The following GRID2 variants were observed in gnomAD, a reference collection of about 807,000 sequenced individuals.
GRID2 encodes glutamate receptor ionotropic, delta-2.
GRID2 carries 33 observed loss-of-function variants against 114.8 expected under a neutral mutation model. The observed-to-expected ratio is 0.29, with a 90% CI of 0.22 to 0.38. The LOEUF (loss-of-function observed/expected upper bound fraction) is 0.38. Ranked by LOEUF, GRID2 falls within the 10% of genes least tolerant of loss-of-function variation. GRID2 has a pLI of 1.00. For missense variants in GRID2, 1,184 were observed against 1,257.7 expected (o/e 0.94, Z 0.89); for synonymous variants, 505 against 449.9 (o/e 1.12, Z -1.55).
chr4:93,737,504 C>T (rs762478689), intron 14 of GRID2, among the ~76,000 whole-genome samples: 4 of 152,036 alleles, frequency 2.6e-5, no homozygotes, highest in Non-Finnish European at 5.9e-5. Context: ...ACAGGAGGGT[C>T]ACTTGAGGCA....
chr4:93,021,837 AT>A (rs1723388274), intron 2 of GRID2, among the ~76,000 whole-genome samples: 1 of 146,956 alleles, frequency 6.8e-6, no homozygotes, highest in Non-Finnish European at 1.5e-5. Context: ...AATAAATATT[AT>A]TTTTAAATAA....
intron 13 of GRID2, among the ~76,000 whole-genome samples, chr4:93,539,544 T>C (rs1732444784): frequency 6.6e-6 from 1 of 152,034 alleles, no homozygotes; most frequent in African/African-American, 2.4e-5. Flanking sequence ...ATGTGTTAGG[T>C]CTCTTGTTTC....
At chr4:92,684,268 C>T (rs1733792624) in intron 2 of GRID2, among the ~76,000 whole-genome samples, 1 of 151,822 alleles carries the variant, frequency 6.6e-6, no homozygotes, top group South Asian at 2.1e-4. Flanking sequence ...AGTGATTATC[C>T]TTGGTTACAC....
intron 13 of GRID2, among the ~76,000 whole-genome samples, chr4:93,616,386 A>G (rs919744729): frequency 2.0e-5 from 3 of 151,568 alleles, no homozygotes; most frequent in Admixed American, 6.6e-5. Context: ...TCTACCAAAA[A>G]TAATACAAAA....
At chr4:93,724,529 TTACCAAA>T (rs2110203128) in intron 14 of GRID2, among the ~76,000 whole-genome samples, 1 of 152,288 alleles carries the variant, frequency 6.6e-6, no homozygotes, top group South Asian at 2.1e-4. Context: ...CATAAAAACA[TTACCAAA>T]TTACATGTAA....
chr4:92,782,578 T>A (rs932280243), intron 2 of GRID2, among the ~76,000 whole-genome samples: 6 of 152,166 alleles, frequency 3.9e-5, no homozygotes, highest in Non-Finnish European at 8.8e-5. Context: ...ACTCAAAGAC[T>A]ATACTGTTCA....
At chr4:93,007,989 C>T (rs998672117) in intron 2 of GRID2, among the ~76,000 whole-genome samples, 2 of 144,738 alleles carry the variant, frequency 1.4e-5, no homozygotes, top group Non-Finnish European at 3.0e-5. Flanking sequence ...GAGCCAAGAT[C>T]GTGCCATTAC....
intron 13 of GRID2, among the ~76,000 whole-genome samples, chr4:93,624,957 T>C (rs1742562854): frequency 6.6e-6 from 1 of 152,152 alleles, no homozygotes; most frequent in Non-Finnish European, 1.5e-5. Flanking sequence ...TGGAATCGTT[T>C]TATTTTCCTC....
intron 2 of GRID2, among the ~76,000 whole-genome samples, chr4:92,916,990 G>T (rs965952511): frequency 6.6e-6 from 1 of 152,110 alleles, no homozygotes; most frequent in Admixed American, 6.6e-5. Context: ...CAGTGTAAAA[G>T]TGTTCCTATT....
At chr4:93,567,559 A>G (rs1735546417) in intron 13 of GRID2, among the ~76,000 whole-genome samples, 1 of 152,230 alleles carries the variant, frequency 6.6e-6, no homozygotes, top group Non-Finnish European at 1.5e-5. Context: ...TTAAGATGAA[A>G]TAATTACCAA....
At chr4:93,383,931 CAAG>C (rs1159704991) in intron 8 of GRID2, among the ~76,000 whole-genome samples, 2 of 152,138 alleles carry the variant, frequency 1.3e-5, no homozygotes, top group African/African-American at 4.8e-5. Flanking sequence ...AACTCAGATT[CAAG>C]AAAAGGGGCT....
chr4:93,395,684 G>A lies in GRID2; in HGVS notation c.1323G>A (p.Val441=). The change falls in exon 9 of 16, where the codon GTG becomes GTA. Residue 441 remains valine (V), a synonymous_variant. Transcript: ENST00000282020. ...AATTGGAGAATAACATGCGTGGAGT[G>A]GTTCTACGTGTAGTAACTGTTCTGG... ...DKKLENNMRG[V]VLRVVTVLEE... 4 of 1,544,052 alleles carry A rather than the reference G, an allele frequency of 2.6e-6. No individual in the cohort carries two copies. The highest frequency in any genetic ancestry group is 3.6e-6 in the Non-Finnish European group (4 of 1,116,914).
intron 10 of GRID2, among the ~76,000 whole-genome samples, chr4:93,447,649 G>A (rs1176873543): frequency 6.6e-6 from 1 of 151,772 alleles, no homozygotes; most frequent in Non-Finnish European, 1.5e-5. Context: ...TGTCCAATAT[G>A]ACAAAAAATG....
chr4:92,847,417 T>C (rs1469790911), intron 2 of GRID2, among the ~76,000 whole-genome samples: 1 of 152,058 alleles, frequency 6.6e-6, no homozygotes, highest in Non-Finnish European at 1.5e-5. Flanking sequence ...AGCTGCTACA[T>C]GATTTAAGTT....
At chr4:92,400,716 T>C (rs1464277292) in intron 1 of GRID2, among the ~76,000 whole-genome samples, 1 of 152,114 alleles carries the variant, frequency 6.6e-6, no homozygotes, top group Non-Finnish European at 1.5e-5. Context: ...CATTTTACAT[T>C]ACCACCATTA....
rs557613529 is a variant in GRID2 at position 93,004,715 on chromosome 4, C to A, written c.245-80280C>A. Among the ~76,000 whole-genome samples the A allele has an allele frequency of 1.4e-3, 209 of 152,058 alleles. 1 individual carries two copies. Among genetic ancestry groups the A allele is most frequent in the African/African-American group, 4.8e-3 (201 of 41,524 alleles). On this transcript the variant is annotated intron_variant, in intron 2 of 15. Transcript: ENST00000282020. Reference sequence around the variant, plus strand: ...TAAATGAGCTGTCCTGACTCATATTCTCTACTCCTTCACTTGTGTTTCTCT... The same window carrying A: ...TAAATGAGCTGTCCTGACTCATATTATCTACTCCTTCACTTGTGTTTCTCT...
chr4:93,230,208 C>T (rs1353382868), intron 7 of GRID2, among the ~76,000 whole-genome samples: 2 of 151,620 alleles, frequency 1.3e-5, no homozygotes, highest in Non-Finnish European at 2.9e-5. Flanking sequence ...ATTAGATTTT[C>T]AAACTGGTTA....
At chr4:93,342,836 T>A (rs1348546782) in intron 8 of GRID2, among the ~76,000 whole-genome samples, 1 of 152,162 alleles carries the variant, frequency 6.6e-6, no homozygotes, top group East Asian at 1.9e-4. Context: ...TATTTTCAGA[T>A]TTTTTCAGGC....
Position 92,483,428 on chromosome 4 carries a change from G to A in GRID2, c.89-106703G>A, listed in dbSNP as rs77523731. Among the ~76,000 whole-genome samples, 378 of 152,248 alleles carry A rather than the reference G, an allele frequency of 2.5e-3. 1 individual carries two copies. Among genetic ancestry groups the A allele is most frequent in the African/African-American group, 8.6e-3 (357 of 41,550 alleles). Reference sequence around the variant, plus strand: ...TTTTGATTTATACAGGATGCCAGTTGAATGTTGAGTTAGTTTTCCCCTTTT... The same window carrying A: ...TTTTGATTTATACAGGATGCCAGTTAAATGTTGAGTTAGTTTTCCCCTTTT... On this transcript the variant is annotated intron_variant, in intron 1 of 15. Coordinates refer to ENST00000282020, the MANE Select transcript of GRID2 (RefSeq NM_001510.4).
Sources: allele counts gnomAD v4.1 joint callset (sites outside exome capture counted in the v4.1 genomes callset), GRCh38; gene constraint gnomAD v4.1.1; transcripts MANE v1.5; gene names NCBI Gene and HGNC (gene_info 2026-07-23, HGNC 2026-07-21).